The following CCDC73 variants were observed in gnomAD, a reference collection of about 807,000 sequenced individuals.
CCDC73 encodes coiled-coil domain containing 73.
Under a neutral mutation model 116.5 loss-of-function variants are expected in CCDC73, and 95 were observed. The ratio of observed to expected loss-of-function variants is 0.82; its 90% CI spans 0.69 to 0.97. The LOEUF (loss-of-function observed/expected upper bound fraction) is 0.97. Among genes scored for constraint, CCDC73 ranks in the 50% least tolerant of loss-of-function variants. The probability of loss-of-function intolerance (pLI) is 0.00; values close to 1 mark genes in which losing one functional copy is unlikely to be tolerated. For synonymous variants in CCDC73, 398 were observed against 401.3 expected (o/e 0.99, Z 0.10); for missense variants, 1,066 against 1,206.8 (o/e 0.88, Z 1.73).
chr11:32,624,586 C>T (rs1590551038), intron 14 of CCDC73, among the ~76,000 whole-genome samples: 1 of 152,102 alleles, frequency 6.6e-6, no homozygotes, highest in East Asian at 1.9e-4. Context: ...AATTTTTTAG[C>T]AGTTCCTCAA....
chr11:32,627,762 T>A (rs1257067226), intron 14 of CCDC73, among the ~76,000 whole-genome samples: 2 of 152,018 alleles, frequency 1.3e-5, no homozygotes, highest in African/African-American at 4.8e-5. Context: ...TAGGTGGGAA[T>A]TGAACAATGA....
chr11:32,759,349 G>C (rs1471040177), intron 2 of CCDC73, among the ~76,000 whole-genome samples: 1 of 79,552 alleles, frequency 1.3e-5, no homozygotes, highest in Non-Finnish European at 2.3e-5. Context: ...TTTTTTTCTT[G>C]AGATAGAGTC....
Position 32,626,925 on chromosome 11 carries a change from A to C in CCDC73, c.1185+8771T>G, listed in dbSNP as rs544027418. 1.9e-3 allele frequency among the ~76,000 whole-genome samples: 291 copies of C among 152,376 alleles called. 1 individual carries two copies. The highest frequency in any genetic ancestry group is 6.6e-3 in the African/African-American group (276 of 41,586). ...GGACATAGGCATGGGCAAGGACTTC[A>C]TGTCTAAAACACCAAAAGCAATGGC... is the stretch of plus-strand genomic sequence containing the variant. On this transcript the variant is annotated intron_variant, in intron 14 of 17. Transcript: ENST00000335185.
intron 2 of CCDC73, among the ~76,000 whole-genome samples, chr11:32,722,169 T>G (rs1849995627): frequency 6.6e-6 from 1 of 152,168 alleles, no homozygotes. Flanking sequence ...ATCTTTCCAT[T>G]TTGCCATTAT....
chr11:32,620,610 C>CAAAAAAAA (rs57643752), intron 14 of CCDC73, among the ~76,000 whole-genome samples: 9 of 61,334 alleles, frequency 1.5e-4, no homozygotes, highest in African/African-American at 4.2e-4. Context: ...GACTCAGTCT[C>CAAAAAAAA]AAAAAAAAAA....
At chr11:32,789,371 A>G (rs190820684) in intron 1 of CCDC73, among the ~76,000 whole-genome samples, 5 of 152,230 alleles carry the variant, frequency 3.3e-5, no homozygotes, top group African/African-American at 9.6e-5. Flanking sequence ...CCTAAATCCA[A>G]TATTAATGTA....
At chr11:32,626,381 C>A (rs1371720915) in intron 14 of CCDC73, among the ~76,000 whole-genome samples, 2 of 151,718 alleles carry the variant, frequency 1.3e-5, no homozygotes, top group African/African-American at 4.8e-5. Flanking sequence ...TAATCAATAT[C>A]GTGAAAATGG....
intron 6 of CCDC73, among the ~76,000 whole-genome samples, chr11:32,685,110 T>C (rs1233050926): frequency 6.6e-6 from 1 of 152,130 alleles, no homozygotes; most frequent in African/African-American, 2.4e-5. Context: ...ACACATTTCC[T>C]ATGAAATAAA....
intron 12 of CCDC73, among the ~76,000 whole-genome samples, chr11:32,644,705 T>C (rs112523286): frequency 0.028 from 4,207 of 152,270 alleles, 182 homozygotes; most frequent in African/African-American, 0.094. Context: ...CCAGAAGATA[T>C]AGAGAACAGT....
rs373979738 is a variant in CCDC73, at chr11:32,666,113, T to C, written c.645+9452A>G. 7.2e-5 allele frequency among the ~76,000 whole-genome samples: 11 copies of C among 152,326 alleles called. No individual in the cohort carries two copies. The East Asian group carries it at 1.5e-3, about 21-fold the overall frequency. On this transcript the variant is annotated intron_variant, in intron 9 of 17. Transcript: ENST00000335185. ...TAACATTTTTTCCTTCATTTCAACT[T>C]TGGTGAATCTGACAATTATGTTTCT...
At chr11:32,673,227 C>A (rs1222605589) in intron 9 of CCDC73, among the ~76,000 whole-genome samples, 1 of 152,034 alleles carries the variant, frequency 6.6e-6, no homozygotes, top group Non-Finnish European at 1.5e-5. Context: ...CCACTACACA[C>A]CAATCAAAAT....
the CCDC73 span, chr11:32,830,419 T>A: frequency 1.4e-5 from 15 of 1,110,870 alleles, no homozygotes; most frequent in Non-Finnish European, 1.7e-5. Flanking sequence ...AGGCTTTGAG[T>A]ACAACAGGTT....
chr11:32,679,423 G>A (rs1480000410), intron 7 of CCDC73, among the ~76,000 whole-genome samples: 1 of 152,018 alleles, frequency 6.6e-6, no homozygotes, highest in Non-Finnish European at 1.5e-5. Flanking sequence ...GAGTGCTGTG[G>A]CACGATCTCG....
intron 7 of CCDC73, among the ~76,000 whole-genome samples, chr11:32,679,415 G>A (rs1015765700): frequency 3.3e-5 from 5 of 152,032 alleles, no homozygotes; most frequent in Non-Finnish European, 7.4e-5. Flanking sequence ...CCAGGGTGGA[G>A]TGCTGTGGCA....
intron 13 of CCDC73, among the ~76,000 whole-genome samples, chr11:32,636,822 T>G (rs1855683353): frequency 6.6e-6 from 1 of 151,832 alleles, no homozygotes; most frequent in Non-Finnish European, 1.5e-5. Flanking sequence ...GGCTAAACTC[T>G]CCATGTGTTC....
intron 1 of CCDC73, among the ~76,000 whole-genome samples, chr11:32,784,832 G>A (rs1850613118): frequency 2.0e-5 from 3 of 152,170 alleles, no homozygotes; most frequent in Non-Finnish European, 4.4e-5. Context: ...AGTTGGTACA[G>A]AACCCTTAGA....
chr11:32,815,403 T>A, the CCDC73 span, among the ~76,000 whole-genome samples: 3 of 151,706 alleles, frequency 2.0e-5, no homozygotes, highest in South Asian at 2.1e-4. Context: ...GGCACAGTCA[T>A]AACTCATTGT....
chr11:32,817,093 T>C, the CCDC73 span, among the ~76,000 whole-genome samples: 4 of 152,208 alleles, frequency 2.6e-5, no homozygotes, highest in African/African-American at 9.6e-5. Flanking sequence ...CCCTAAATGG[T>C]TTTCATATAG....
chr11:32,654,211 T>G (rs1855851431), intron 10 of CCDC73, among the ~76,000 whole-genome samples, 174 bp from the exon 11 acceptor site: 1 of 152,188 alleles, frequency 6.6e-6, no homozygotes, highest in African/African-American at 2.4e-5. Flanking sequence ...TCTCGCTCTA[T>G]CACCCAGTCT....
Sources: gnomAD v4.1 joint callset for allele counts (sites outside exome capture counted in the v4.1 genomes callset) on GRCh38, gnomAD v4.1.1 for gene constraint, MANE v1.5 for transcripts, NCBI Gene and HGNC (gene_info 2026-07-23, HGNC 2026-07-21) for gene names.